ABCC4: variants seen among roughly 807,000 people sequenced by gnomAD.
ABCC4 encodes ATP-binding cassette sub-family C member 4.
Under a neutral mutation model 168.5 loss-of-function variants are expected in ABCC4, and 102 were observed. The ratio of observed to expected loss-of-function variants is 0.61; its 90% CI spans 0.52 to 0.71. The LOEUF (loss-of-function observed/expected upper bound fraction) is 0.71, where lower values mean the gene tolerates loss of function less well. Among genes scored for constraint, ABCC4 ranks in the 30% least tolerant of loss-of-function variants. ABCC4 has a pLI of 0.00. For missense variants in ABCC4, 1,402 were observed against 1,605.8 expected (o/e 0.87, Z 2.17); for synonymous variants, 617 against 590.7 (o/e 1.04, Z -0.65).
intron 25 of ABCC4, among the ~76,000 whole-genome samples, chr13:95,067,959 G>A (rs2033603415): frequency 6.6e-6 from 1 of 152,170 alleles, no homozygotes; most frequent in South Asian, 2.1e-4. Flanking sequence ...GAAGGCTAGG[G>A]TGGTATATAC....
At chr13:95,257,942 G>A (rs2040433633) in intron 1 of ABCC4, among the ~76,000 whole-genome samples, 1 of 152,174 alleles carries the variant, frequency 6.6e-6, no homozygotes, top group South Asian at 2.1e-4. Context: ...CATGTGTCAC[G>A]TAACTCAGCG....
intron 19 of ABCC4, among the ~76,000 whole-genome samples, chr13:95,120,216 T>C (rs1017818866): frequency 3.3e-5 from 5 of 151,826 alleles, no homozygotes; most frequent in African/African-American, 9.7e-5. Flanking sequence ...AACTTCTTTA[T>C]AGGTATCCAC....
intron 15 of ABCC4, among the ~76,000 whole-genome samples, chr13:95,164,758 G>C (rs1283696738): frequency 2.0e-5 from 3 of 151,984 alleles, no homozygotes; most frequent in Non-Finnish European, 4.4e-5. Flanking sequence ...GTAGTGGCGC[G>C]ATCTTGGCTC....
chr13:95,047,597 A>C (rs570016780), intron 27 of ABCC4, among the ~76,000 whole-genome samples: 4 of 146,570 alleles, frequency 2.7e-5, no homozygotes, highest in African/African-American at 1.0e-4. Flanking sequence ...CTCCTGCCTC[A>C]GCCTCCCGAG....
chr13:95,059,578 G>A (rs1751031), intron 26 of ABCC4, among the ~76,000 whole-genome samples: 120,593 of 152,092 alleles, frequency 0.79, 47,924 homozygotes, highest in South Asian at 0.9. Flanking sequence ...CAAAGTGATA[G>A]CCTCACCTTT....
chr13:95,263,476 C>T (rs1018436692), intron 1 of ABCC4, among the ~76,000 whole-genome samples: 8 of 151,824 alleles, frequency 5.3e-5, no homozygotes, highest in Admixed American at 3.9e-4. Flanking sequence ...TATGCAAATA[C>T]ATTCTAGCTT....
intron 8 of ABCC4, among the ~76,000 whole-genome samples, chr13:95,198,637 G>A (rs9524826): frequency 6.6e-6 from 1 of 151,956 alleles, no homozygotes; most frequent in African/African-American, 2.4e-5. Flanking sequence ...TAAATCATTC[G>A]ACTATAAAGA....
intron 26 of ABCC4, among the ~76,000 whole-genome samples, chr13:95,060,402 T>C (rs985622778): frequency 2.0e-4 from 30 of 152,222 alleles, no homozygotes; most frequent in African/African-American, 7.0e-4. Flanking sequence ...TACTTCTTTA[T>C]TTAGAGTTCT....
intron 1 of ABCC4, among the ~76,000 whole-genome samples, chr13:95,279,737 GA>G (rs1462584741): frequency 1.3e-5 from 2 of 152,134 alleles, no homozygotes; most frequent in Non-Finnish European, 2.9e-5. Context: ...CTGATTTGCT[GA>G]CCCCAGTGGG....
chr13:95,258,574 C>T (rs2040450319), intron 1 of ABCC4, among the ~76,000 whole-genome samples: 2 of 151,798 alleles, frequency 1.3e-5, no homozygotes, highest in South Asian at 2.1e-4. Flanking sequence ...CACTTAATTA[C>T]TTTGTCACTT....
At chr13:95,231,860 G>A (rs2039630161) in intron 4 of ABCC4, among the ~76,000 whole-genome samples, 1 of 152,160 alleles carries the variant, frequency 6.6e-6, no homozygotes. Flanking sequence ...GTGGAAAAGA[G>A]GAAGAAAAAC....
chr13:95,024,206 CAAAAAA>C (rs71207428), intron 30 of ABCC4, among the ~76,000 whole-genome samples: 1 of 43,944 alleles, frequency 2.3e-5, no homozygotes, highest in Non-Finnish European at 5.2e-5. Context: ...GAGACTGTCT[CAAAAAA>C]AAAAAAAAAA....
At chr13:95,267,943 C>A (rs2040728858) in intron 1 of ABCC4, among the ~76,000 whole-genome samples, 1 of 152,098 alleles carries the variant, frequency 6.6e-6, no homozygotes, top group South Asian at 2.1e-4. Context: ...TAATGAAGCT[C>A]CAATAAAAAC....
intron 30 of ABCC4, among the ~76,000 whole-genome samples, chr13:95,022,182 T>C (rs2031128662): frequency 6.6e-6 from 1 of 152,202 alleles, no homozygotes; most frequent in African/African-American, 2.4e-5. Context: ...GGCGTTTAAT[T>C]TGTGCGGCAA....
intron 19 of ABCC4, among the ~76,000 whole-genome samples, chr13:95,157,942 G>A (rs1035396248): frequency 1.9e-4 from 29 of 151,950 alleles, no homozygotes; most frequent in Admixed American, 1.8e-3. Flanking sequence ...CGTGGTGGTG[G>A]GTGCCTGTGG....
chr13:95,148,718 T>C (rs2036578282), intron 19 of ABCC4, among the ~76,000 whole-genome samples: 1 of 151,210 alleles, frequency 6.6e-6, no homozygotes, highest in Admixed American at 6.6e-5. Context: ...TGACATCAAA[T>C]GAAAGTGGAC....
At chr13:95,278,083 C>A (rs540163194) in intron 1 of ABCC4, among the ~76,000 whole-genome samples, 1 of 151,678 alleles carries the variant, frequency 6.6e-6, no homozygotes, top group Non-Finnish European at 1.5e-5. Context: ...GAGAGAACGC[C>A]GCATGCCATT....
intron 13 of ABCC4, 101 bp from the exon 14 acceptor site, chr13:95,170,729 C>A: frequency 1.5e-6 from 1 of 670,942 alleles, no homozygotes; most frequent in Non-Finnish European, 2.5e-6. Context: ...ACACAGTAGT[C>A]AAAGATCTAG....
chr13:95,062,037 A>G (rs2033319032), intron 26 of ABCC4, among the ~76,000 whole-genome samples: 2 of 151,854 alleles, frequency 1.3e-5, no homozygotes, highest in African/African-American at 4.8e-5. Context: ...GGCCAATTTA[A>G]CCCTCCACCA....
Sources: gnomAD v4.1 joint callset for allele counts (sites outside exome capture counted in the v4.1 genomes callset) on GRCh38, gnomAD v4.1.1 for gene constraint, MANE v1.5 for transcripts, NCBI Gene and HGNC (gene_info 2026-07-23, HGNC 2026-07-21) for gene names.